Variants in BLTP3A observed in about 807,000 individuals in gnomAD.
BLTP3A encodes ICBP90 binding protein 1.
At chr6:34,865,870 A>G in the BLTP3A span, among the ~76,000 whole-genome samples, 3 of 152,252 alleles carry the variant, frequency 2.0e-5, no homozygotes, top group East Asian at 5.8e-4. Context: ...AGTAGACAGA[A>G]TCAAATAATG....
the BLTP3A span, among the ~76,000 whole-genome samples, chr6:34,826,830 A>G: frequency 6.6e-6 from 1 of 152,234 alleles, no homozygotes; most frequent in Admixed American, 6.5e-5. Flanking sequence ...TAGATAGAAT[A>G]AGATGTTTGA....
chr6:34,871,834 A>G, the BLTP3A span: 11 of 1,614,056 alleles, frequency 6.8e-6, no homozygotes, highest in South Asian at 3.3e-5. Context: ...GCTCAGGACA[A>G]ACCATCAGCT....
At chr6:34,875,413 T>C in the BLTP3A span, 1 of 152,208 alleles carries the variant, frequency 6.6e-6, no homozygotes, top group Non-Finnish European at 1.5e-5. Context: ...TAAAATCATA[T>C]TCTGATTCTC....
At chr6:34,795,581 TTAG>T in the BLTP3A span, among the ~76,000 whole-genome samples, 1 of 148,728 alleles carries the variant, frequency 6.7e-6, no homozygotes, top group African/African-American at 2.5e-5. Flanking sequence ...TTTTTTTTTT[TTAG>T]TAGAGACAGG....
the BLTP3A span, among the ~76,000 whole-genome samples, chr6:34,825,394 A>G: frequency 3.8e-4 from 57 of 150,450 alleles, 1 homozygote; most frequent in South Asian, 4.9e-3. Flanking sequence ...TGCAACCTCC[A>G]CCTCCCTGGT....
At chr6:34,798,106 T>C in the BLTP3A span, among the ~76,000 whole-genome samples, 3 of 152,236 alleles carry the variant, frequency 2.0e-5, no homozygotes, top group South Asian at 6.2e-4. Flanking sequence ...AATGTCCAGA[T>C]TTCTAACAGC....
At chr6:34,839,623 C>T in the BLTP3A span, among the ~76,000 whole-genome samples, 2 of 152,138 alleles carry the variant, frequency 1.3e-5, no homozygotes, top group African/African-American at 2.4e-5. Context: ...GGCAGATAGC[C>T]GAAAGAACAC....
At chr6:34,865,680 T>C in the BLTP3A span, among the ~76,000 whole-genome samples, 1 of 152,262 alleles carries the variant, frequency 6.6e-6, no homozygotes, top group Admixed American at 6.5e-5. Flanking sequence ...CTCTACATCC[T>C]TGCCAACACT....
chr6:34,864,773 G>A, the BLTP3A span, among the ~76,000 whole-genome samples: 3 of 152,022 alleles, frequency 2.0e-5, no homozygotes, highest in Non-Finnish European at 4.4e-5. Flanking sequence ...TTGGAGACTA[G>A]CCTGGCCAAC....
the BLTP3A span, among the ~76,000 whole-genome samples, chr6:34,799,150 C>T: frequency 1.8e-4 from 27 of 152,160 alleles, no homozygotes; most frequent in Middle Eastern, 0.01. Context: ...CCATGTTGGC[C>T]GGGCTGGTCT....
At chr6:34,825,514 T>C in the BLTP3A span, among the ~76,000 whole-genome samples, 1 of 151,952 alleles carries the variant, frequency 6.6e-6, no homozygotes. Flanking sequence ...ACCATGTTAG[T>C]CAGGCTGGTC....
the BLTP3A span, chr6:34,859,316 G>C: frequency 1.9e-6 from 3 of 1,613,870 alleles, no homozygotes; most frequent in Non-Finnish European, 2.5e-6. Flanking sequence ...CAAGCCTCCA[G>C]CTCACCAGCT....
chr6:34,875,842 T>C, the BLTP3A span: 1 of 152,432 alleles, frequency 6.6e-6, no homozygotes, highest in African/African-American at 2.4e-5. Context: ...TAAAGGAAAA[T>C]ATGCAAGGAA....
chr6:34,824,522 C>T, the BLTP3A span, among the ~76,000 whole-genome samples: 1 of 143,514 alleles, frequency 7.0e-6, no homozygotes, highest in African/African-American at 2.6e-5. Context: ...CGCGCCATTG[C>T]ACTCCAGCTT....
the BLTP3A span, chr6:34,857,644 G>A: frequency 3.0e-4 from 446 of 1,471,754 alleles, 7 homozygotes; most frequent in East Asian, 9.0e-3. Context: ...TGCTCTGTTC[G>A]TAATATAGTT....
chr6:34,828,232 C>G, the BLTP3A span, among the ~76,000 whole-genome samples: 1 of 151,832 alleles, frequency 6.6e-6, no homozygotes, highest in African/African-American at 2.4e-5. Context: ...GTGGGCAGAT[C>G]ACGAGGTCAG....
the BLTP3A span, among the ~76,000 whole-genome samples, chr6:34,855,411 G>C: frequency 6.6e-6 from 1 of 152,126 alleles, no homozygotes; most frequent in Non-Finnish European, 1.5e-5. Flanking sequence ...ACTTTCTTTT[G>C]GGTCTTTTAG....
the BLTP3A span, chr6:34,857,411 T>C: frequency 6.2e-7 from 1 of 1,614,192 alleles, no homozygotes; most frequent in Non-Finnish European, 8.5e-7. Flanking sequence ...CCTACCCAGG[T>C]CTCTGCCATT....
chr6:34,854,004 A>G, the BLTP3A span, among the ~76,000 whole-genome samples: 1 of 152,158 alleles, frequency 6.6e-6, no homozygotes, highest in African/African-American at 2.4e-5. Flanking sequence ...TGGGTGGATC[A>G]CGAGCTCAGG....
Sources: allele counts gnomAD v4.1 joint callset (sites outside exome capture counted in the v4.1 genomes callset), GRCh38; gene constraint gnomAD v4.1.1; transcripts MANE v1.5; gene names NCBI Gene and HGNC (gene_info 2026-07-23, HGNC 2026-07-21).